The following RYR2 variants were observed in gnomAD, a reference collection of about 807,000 sequenced individuals.
RYR2 encodes the protein cardiac muscle ryanodine receptor-calcium release channel.
In RYR2, 227 loss-of-function variants were observed where a neutral mutation model predicts 601.1. The ratio of observed to expected loss-of-function variants is 0.38; its 90% CI spans 0.34 to 0.42. The LOEUF is 0.42. Ranked by LOEUF, RYR2 falls within the 10% of genes least tolerant of loss-of-function variation. The probability of loss-of-function intolerance (pLI) is 1.00; values close to 1 mark genes in which losing one functional copy is unlikely to be tolerated. For missense variants in RYR2, 4,646 were observed against 6,156.5 expected, an observed-to-expected ratio of 0.75 and a Z score of 8.21; for synonymous variants, 2,223 against 2,175.1, an observed-to-expected ratio of 1.02 and a Z score of -0.61.
At chr1:237,104,185 A>G (rs1049760863) in intron 1 of RYR2, among the ~76,000 whole-genome samples, 3 of 151,904 alleles carry the variant, frequency 2.0e-5, no homozygotes, top group East Asian at 1.9e-4. Context: ...TTCATCATCC[A>G]TGGAACGTGC....
intron 1 of RYR2, among the ~76,000 whole-genome samples, chr1:237,265,330 GT>G (rs1222871317): frequency 6.6e-6 from 1 of 151,996 alleles, no homozygotes; most frequent in Non-Finnish European, 1.5e-5. Context: ...TTGATTGTTT[GT>G]TTGTTTTTTG....
At chr1:237,149,512 C>T (rs1314514297) in intron 1 of RYR2, among the ~76,000 whole-genome samples, 2 of 152,052 alleles carry the variant, frequency 1.3e-5, no homozygotes, top group Non-Finnish European at 2.9e-5. Flanking sequence ...AATAATGGCT[C>T]ATTTAATAGG....
At chr1:237,460,975 C>A (rs1659413567) in intron 16 of RYR2, among the ~76,000 whole-genome samples, 1 of 152,132 alleles carries the variant, frequency 6.6e-6, no homozygotes, top group Non-Finnish European at 1.5e-5. Context: ...CCTCTTGCTT[C>A]ATTCTTATTA....
In RYR2 at chr1:237,617,391, C is replaced by A. The variant is rs754811291; in HGVS notation, c.5821C>A (p.Arg1941Ser). 1.9e-6 allele frequency: 3 copies of A among 1,613,862 alleles called. No homozygotes were observed. The highest frequency in any genetic ancestry group is 1.3e-5 in the African/African-American group (1 of 74,912). ...DFVAKLQDNQ[R>S]FRYNEVMQAL... ...TGTGGCTAAGCTCCAAGACAATCAACGTTTCCGATACAACGAAGTCATGCA... is the reference window on the plus strand; with the variant it reads ...TGTGGCTAAGCTCCAAGACAATCAAAGTTTCCGATACAACGAAGTCATGCA... The change falls in exon 38 of 105, where the codon CGT becomes AGT. Residue 1941 changes from arginine to serine, a missense_variant. Around this residue, in one of 17 missense-constraint regions of RYR2, gnomAD observed 1,807 missense variants for 2,088.1 expected, o/e 0.87. Transcript: ENST00000366574.
chr1:237,362,638 G>A (rs758290023), intron 4 of RYR2, among the ~76,000 whole-genome samples: 5 of 151,864 alleles, frequency 3.3e-5, no homozygotes, highest in Admixed American at 6.6e-5. Context: ...TCCCTTAAAC[G>A]ATCCCTTTGA....
intron 39 of RYR2, 52 bp downstream of exon 39, chr1:237,623,922 A>G (rs1281197461): frequency 2.5e-6 from 3 of 1,188,660 alleles, no homozygotes; most frequent in Non-Finnish European, 2.5e-6. Context: ...TTTAATCCAT[A>G]TATCCTGAGA....
rs1364946678 is a variant in RYR2 at position 237,680,570 on chromosome 1, G to A, written c.9010G>A (p.Val3004Met). 6.2e-7 allele frequency: 1 copy of A among 1,600,952 alleles called. No homozygotes were observed. Among genetic ancestry groups the A allele is most frequent in the Non-Finnish European group, 8.5e-7 (1 of 1,173,110 alleles). The change falls in exon 62 of 105, where the codon GTG becomes ATG. Residue 3004 changes from valine (V) to methionine (M), a missense_variant. Transcript: ENST00000366574. ...GHASNKEKEM[V>M]TSLFCKLGVL... ...TGCTTCCAACAAAGAGAAAGAAATG[G>A]TGACTAGGTAAACAGCTATAAAAAT...
At chr1:237,066,641 C>CTTTTTTTTTTT (rs71178383) in intron 1 of RYR2, among the ~76,000 whole-genome samples, 1 of 147,082 alleles carries the variant, frequency 6.8e-6, no homozygotes. Flanking sequence ...CCGTGTCTTT[C>CTTTTTTTTTTT]TTTTTTTTTT....
At chr1:237,207,754 T>C (rs888549447) in intron 1 of RYR2, among the ~76,000 whole-genome samples, 1 of 152,228 alleles carries the variant, frequency 6.6e-6, no homozygotes, top group South Asian at 2.1e-4. Flanking sequence ...ACTAGTAGAA[T>C]AGCTATCCTC....
chr1:237,314,011 T>A (rs1194641834), intron 2 of RYR2, among the ~76,000 whole-genome samples: 2 of 143,780 alleles, frequency 1.4e-5, no homozygotes, highest in Non-Finnish European at 3.0e-5. Flanking sequence ...CAGAATCAAA[T>A]TTAGAAACTC....
chr1:237,103,676 C>T (rs1253394857), intron 1 of RYR2, among the ~76,000 whole-genome samples: 18 of 152,240 alleles, frequency 1.2e-4, no homozygotes, highest in Admixed American at 1.2e-3. Flanking sequence ...TCAAGTGATT[C>T]TCCTGCCTCA....
intron 102 of RYR2, among the ~76,000 whole-genome samples, chr1:237,829,210 A>T (rs536989480): frequency 1.3e-5 from 2 of 152,372 alleles, no homozygotes; most frequent in East Asian, 3.9e-4. Flanking sequence ...CAGAGCAGCC[A>T]GATGATCAGA....
At chr1:237,365,731 C>T (rs1028494341) in intron 5 of RYR2, among the ~76,000 whole-genome samples, 1 of 152,306 alleles carries the variant, frequency 6.6e-6, no homozygotes, top group East Asian at 1.9e-4. Context: ...ATTTTATCAT[C>T]TCATTCTTAA....
At chr1:237,579,248 C>CTTTTTTTTT (rs546960253) in intron 29 of RYR2, among the ~76,000 whole-genome samples, 2 of 68,108 alleles carry the variant, frequency 2.9e-5, no homozygotes, top group African/African-American at 9.8e-5. Flanking sequence ...TCTTCTTCTT[C>CTTTTTTTTT]TTTTTTTTTT....
intron 81 of RYR2, 24 bp from the exon 82 acceptor site, chr1:237,757,673 A>G (rs746323399): frequency 6.7e-7 from 1 of 1,484,006 alleles, no homozygotes; most frequent in Admixed American, 1.7e-5. Context: ...GATATAAGGA[A>G]CACTACTTTT....
chr1:237,213,564 A>C (rs535216016), intron 1 of RYR2, among the ~76,000 whole-genome samples: 1 of 152,102 alleles, frequency 6.6e-6, no homozygotes, highest in Admixed American at 6.6e-5. Flanking sequence ...TACTTAATAC[A>C]TTATTTGCCT....
chr1:237,163,355 ACC>A (rs67343728), intron 1 of RYR2, among the ~76,000 whole-genome samples: 8 of 90,282 alleles, frequency 8.9e-5, no homozygotes, highest in Non-Finnish European at 1.4e-4. Flanking sequence ...CCAACCCCCT[ACC>A]CCCCCCACCC....
At chr1:237,687,582 G>C in intron 63 of RYR2, 78 bp downstream of exon 63, 1 of 1,079,568 alleles carries the variant, frequency 9.3e-7, no homozygotes, top group Non-Finnish European at 1.4e-6. Context: ...GTTGTGTGCT[G>C]CTATGTTGCA....
At chr1:237,551,487 C>T (rs1403559992) in intron 27 of RYR2, among the ~76,000 whole-genome samples, 14 of 148,280 alleles carry the variant, frequency 9.4e-5, no homozygotes, top group Admixed American at 6.1e-4. Flanking sequence ...GCCGAGATGG[C>T]GCCACTGCAC....
Sources: gnomAD v4.1 joint callset for allele counts (sites outside exome capture counted in the v4.1 genomes callset) on GRCh38, gnomAD v4.1.1 for gene constraint, gnomAD v4.1.1 regional missense constraint, MANE v1.5 for transcripts, NCBI Gene and HGNC (gene_info 2026-07-23, HGNC 2026-07-21) for gene names.